The following MUC3A variants were observed in gnomAD, a reference collection of about 807,000 sequenced individuals.
The protein encoded by MUC3A is mucin-3A.
A neutral mutation model predicts 109.0 loss-of-function variants in MUC3A; 109 were observed. The observed-to-expected ratio is 1.00, with a 90% CI of 0.86 to 1.17. MUC3A has a LOEUF of 1.17. Ranked by LOEUF, MUC3A falls within the 50% of genes most tolerant of loss-of-function variation. The pLI, the probability that MUC3A is intolerant of heterozygous loss-of-function variation, is 0.00. For synonymous variants in MUC3A, 1,398 were observed against 981.4 expected (o/e 1.42, Z -7.93); for missense variants, 3,537 against 2,469.4 (o/e 1.43, Z -9.16).
In MUC3A at chr7:100,960,171, C is replaced by T. The variant is rs1434485421; in HGVS notation, c.8392C>T (p.Pro2798Ser). The T allele has an allele frequency of 7.6e-6, 12 of 1,576,204 alleles. No homozygotes were observed. The highest frequency in any genetic ancestry group is 1.7e-5 in the Admixed American group (1 of 59,004). ...EMDPSTEATS[P>S]PTTPLTVFPF... is the part of the protein sequence containing the mutation. ...GGATCCCAGCACTGAAGCTACTTCTCCTCCCACCACCCCATTAACAGTCTT... is the reference window on the plus strand; with the variant it reads ...GGATCCCAGCACTGAAGCTACTTCTTCTCCCACCACCCCATTAACAGTCTT... Residue 2798 changes from proline (P) to serine (S), a missense_variant, in exon 2 of 12, where the codon CCT becomes TCT. Pro to Ser is a moderately conservative substitution (Grantham distance 74). Coordinates refer to ENST00000379458, the MANE Select transcript of MUC3A (RefSeq NM_005960.2).
chr7:100,960,038 T>C lies in MUC3A; in HGVS notation c.8259T>C (p.Thr2753=). 6.6e-7 allele frequency: 1 copy of C among 1,509,502 alleles called. No individual in the cohort carries two copies. The highest frequency in any genetic ancestry group is 8.8e-7 in the Non-Finnish European group (1 of 1,140,282). The allele number at this position is 1,509,502 out of a possible 1,614,324, so 93.5% of individuals were successfully genotyped here. A position where few individuals can be genotyped will look rare whatever the true frequency, so the allele number is the denominator to read the frequency against. The change falls in exon 2 of 12, where the codon ACT becomes ACC. Residue 2753 remains threonine, a synonymous_variant. Transcript: ENST00000379458. Reference sequence around the variant, plus strand: ...GCTCCTCTCTGACCACAGCTCTCACTGAAATAACCCCCTTTTCTTATATTT... The same window carrying C: ...GCTCCTCTCTGACCACAGCTCTCACCGAAATAACCCCCTTTTCTTATATTT... The part of the protein sequence containing the change: ...STSSSLTTAL[T]EITPFSYISL...
Position 100,965,357 on chromosome 7 carries a change from G to A in MUC3A, c.9448+10G>A, listed in dbSNP as rs772293595. 290 of 1,596,420 alleles carry A rather than the reference G, an allele frequency of 1.8e-4. No homozygotes were observed. Among genetic ancestry groups the A allele is most frequent in the Non-Finnish European group, 2.2e-4 (256 of 1,178,200 alleles). ...GAGCTGACCCCGGCAGGTAAGGGTG[G>A]GGTAAAGGGCTGAGTGGTCTCCCGC... On this transcript the variant is annotated intron_variant, in intron 7 of 11. Coordinates refer to ENST00000379458, the MANE Select transcript of MUC3A (RefSeq NM_005960.2).
Position 100,960,245 on chromosome 7 carries a change from A to T in MUC3A, c.8466A>T (p.Gln2822His). 1 of 1,598,522 alleles carries T rather than the reference A, an allele frequency of 6.3e-7. No individual in the cohort carries two copies. Among genetic ancestry groups the T allele is most frequent in the Admixed American group, 1.7e-5 (1 of 60,032 alleles). ...MVTCPTSISI[Q>H]TTLTTYMDTS... ...CCTGTCCTACCTCCATCAGTATCCA[A>T]ACTACTCTTACTACATATATGGACA... Residue 2822 changes from glutamine (Q) to histidine (H), a missense_variant, in exon 2 of 12, where the codon CAA becomes CAT. Physicochemically the swap from Gln to His is conservative, Grantham distance 24 (BLOSUM62 0). Transcript: ENST00000379458.
rs767507212 is a variant in MUC3A, at chr7:100,960,150, C to T, written c.8371C>T (p.Pro2791Ser). Residue 2791 changes from proline (P) to serine (S), a missense_variant, in exon 2 of 12, where the codon CCC becomes TCC. Physicochemically the swap from Pro to Ser is moderately conservative, Grantham distance 74. Coordinates refer to ENST00000379458, the MANE Select transcript of MUC3A (RefSeq NM_005960.2). ...SPTDPCVEMD[P>S]STEATSPPTT... ...CACTGATCCATGTGTTGAAATGGAT[C>T]CCAGCACTGAAGCTACTTCTCCTCC... The T allele has an allele frequency of 1.5e-5, 24 of 1,561,322 alleles. No individual in the cohort carries two copies. The highest frequency in any genetic ancestry group is 2.1e-5 in the Non-Finnish European group (24 of 1,159,666).
intron 5 of MUC3A, 88 bp from the exon 6 acceptor site, chr7:100,964,607 G>T: frequency 6.6e-7 from 1 of 1,504,628 alleles, no homozygotes; most frequent in Non-Finnish European, 8.9e-7. Context: ...TCCCCCTTCT[G>T]GTGCACTTTG....
intron 5 of MUC3A, 129 bp downstream of exon 5, chr7:100,963,881 C>A: frequency 7.2e-7 from 1 of 1,380,346 alleles, no homozygotes; most frequent in Non-Finnish European, 9.9e-7. Flanking sequence ...CATAAGGAAT[C>A]ACTCCCTGGG....
intron 4 of MUC3A, 114 bp from the exon 5 acceptor site, chr7:100,963,574 G>C: frequency 6.6e-7 from 1 of 1,526,410 alleles, no homozygotes; most frequent in South Asian, 1.1e-5. Context: ...CGTGAGCCAC[G>C]GCACCCGGCC....
Position 100,958,522 on chromosome 7 carries a change from C to A in MUC3A, c.6743C>A (p.Thr2248Asn). The part of the protein sequence containing the change: ...GFTSSITTTE[T>N]TSHSTPSFTS... ...ACTTCTTCAATCACCACCACTGAGA[C>A]TACATCCCACAGTACTCCCAGCTTC... Residue 2248 changes from threonine to asparagine, a missense_variant, in exon 2 of 12, where the codon ACT (threonine) becomes AAT (asparagine). By Grantham distance (65) the Thr-to-Asn change is moderately conservative. Transcript: ENST00000379458. 8.4e-7 allele frequency: 1 copy of A among 1,191,436 alleles called. No homozygotes were observed. Among genetic ancestry groups the A allele is most frequent in the Non-Finnish European group, 1.2e-6 (1 of 820,592 alleles). The allele number at this position is 1,191,436 out of a possible 1,614,324, so 73.8% of individuals were successfully genotyped here.
intron 5 of MUC3A, chr7:100,964,369 A>G (rs186432591): frequency 6.5e-4 from 216 of 334,436 alleles, no homozygotes; most frequent in Non-Finnish European, 1.0e-3. Context: ...CTGAGGAGAA[A>G]GGATCACTTT....
intron 8 of MUC3A, 103 bp from the exon 9 acceptor site, chr7:100,966,283 T>A: frequency 8.6e-7 from 1 of 1,158,170 alleles, no homozygotes; most frequent in Non-Finnish European, 1.1e-6. Flanking sequence ...CCCGCTGCCC[T>A]AGGCTGGAGC....
intron 5 of MUC3A, chr7:100,964,475 G>A: frequency 1.5e-6 from 1 of 688,134 alleles, no homozygotes; most frequent in South Asian, 2.6e-5. Context: ...CACACAGAGA[G>A]AGGAAGTCAA....
At position 100,954,028 on chromosome 7, in the gene MUC3A, C is replaced by G. The variant is rs1197379634; in HGVS notation, c.2249C>G (p.Ser750Ter). ...TSLPPTSPLV[S>*]TAKTAKTPTT... ...CTTCCACCCACCTCTCCCTTGGTCT[C>G]AACTGCAAAAACAGCCAAAACTCCT... The change falls in exon 2 of 12, where the codon TCA (serine) becomes TGA (stop). Residue 750 changes from serine to a stop codon, truncating the protein, a stop_gained. Coordinates refer to ENST00000379458, the MANE Select transcript of MUC3A (RefSeq NM_005960.2). LOFTEE classifies it high-confidence loss of function. 5 of 485,214 alleles carry G rather than the reference C, an allele frequency of 1.0e-5. No homozygotes were observed. Among genetic ancestry groups the G allele is most frequent in the Non-Finnish European group, 1.5e-5 (4 of 274,920 alleles). 30.1% of individuals were successfully genotyped at this position (485,214 alleles called of 1,614,324 possible). A position where few individuals can be genotyped will look rare whatever the true frequency, so the allele number is the denominator to read the frequency against.
In MUC3A at chr7:100,967,172, G is replaced by A. The variant is rs1454215418; in HGVS notation, c.*10G>A. On this transcript the variant is annotated 3_prime_UTR_variant, in exon 12 of 12. Coordinates refer to ENST00000379458, the MANE Select transcript of MUC3A (RefSeq NM_005960.2). ...CTCGTCCTCAGTGTGAGCCCTGCGG[G>A]GCCCCTTCACCACCCCCTCCGCCCT... is the stretch of plus-strand genomic sequence containing the variant. The A allele has an allele frequency of 6.3e-7, 1 of 1,598,534 alleles. No homozygotes were observed. The highest frequency in any genetic ancestry group is 1.7e-5 in the Admixed American group (1 of 60,032).
In MUC3A at chr7:100,959,782, C is replaced by A; in HGVS notation, c.8003C>A (p.Thr2668Lys). ...ACAGAATCTTTCACTAGGGGAAGTA[C>A]GTCTACAAATGCAATCTTGACTTCT... ...FTTESFTRGS[T>K]STNAILTSFS... The change falls in exon 2 of 12, where the codon ACG (threonine) becomes AAG (lysine). Residue 2668 changes from threonine to lysine, a missense_variant. Thr to Lys is a moderately conservative substitution (Grantham distance 78, BLOSUM62 -1). Coordinates refer to ENST00000379458, the MANE Select transcript of MUC3A (RefSeq NM_005960.2). 9 of 1,596,780 alleles carry A rather than the reference C, an allele frequency of 5.6e-6. No individual in the cohort carries two copies. The highest frequency in any genetic ancestry group is 7.6e-6 in the Non-Finnish European group (9 of 1,178,884).
chr7:100,965,260 A>T, intron 6 of MUC3A, 22 bp from the exon 7 acceptor site: 1 of 1,598,222 alleles, frequency 6.3e-7, no homozygotes, highest in Admixed American at 1.7e-5. Flanking sequence ...CGCCCATTCC[A>T]TCTGTGCCTG....
chr7:100,961,784 G>A (rs1296866801), intron 3 of MUC3A, among the ~76,000 whole-genome samples: 2 of 152,302 alleles, frequency 1.3e-5, no homozygotes, highest in Non-Finnish European at 2.9e-5. Context: ...CTGCACACTA[G>A]CGTAGATGAC....
rs867294194 is a variant in MUC3A at position 100,960,071 on chromosome 7, C to G, written c.8292C>G (p.Pro2764=). 6.0e-6 allele frequency: 9 copies of G among 1,512,286 alleles called. No homozygotes were observed. Among genetic ancestry groups the G allele is most frequent in the Non-Finnish European group, 7.9e-6 (9 of 1,140,992 alleles). The allele number at this position is 1,512,286 out of a possible 1,614,324, so 93.7% of individuals were successfully genotyped here. A position where few individuals can be genotyped will look rare whatever the true frequency, so the allele number is the denominator to read the frequency against. The change falls in exon 2 of 12, where the codon CCC becomes CCG. Residue 2764 remains proline (P), a synonymous_variant. Transcript: ENST00000379458. Reference sequence around the variant, plus strand: ...CCCCCTTTTCTTATATTTCCCTTCCCTCCACCACACCCTGTCCAGGAACTA... The same window carrying G: ...CCCCCTTTTCTTATATTTCCCTTCCGTCCACCACACCCTGTCCAGGAACTA... The part of the protein sequence containing the change: ...EITPFSYISL[P]STTPCPGTIT...
At chr7:100,951,757 G>C in intron 1 of MUC3A, 84 bp from the exon 2 acceptor site, 1 of 1,543,810 alleles carries the variant, frequency 6.5e-7, no homozygotes, top group Non-Finnish European at 8.7e-7. Flanking sequence ...CTGGAAAATG[G>C]GTGAGTGAGT....
Position 100,955,238 on chromosome 7 carries a change from C to T in MUC3A, c.3459C>T (p.Ser1153=), listed in dbSNP as rs1377535683. ...ATACCACCTCCCTTAGTACCCCCAG[C>T]TTCACTTCTTCAACCATCTACTCCA... ...TPNTTSLSTP[S]FTSSTIYSTV... Residue 1153 remains serine (S), a synonymous_variant, in exon 2 of 12, where the codon AGC becomes AGT. Transcript: ENST00000379458. 5.2e-6 allele frequency: 4 copies of T among 763,734 alleles called. No individual in the cohort carries two copies. Among genetic ancestry groups the T allele is most frequent in the Non-Finnish European group, 4.8e-6 (2 of 417,334 alleles). The allele number at this position is 763,734 out of a possible 1,614,324, so 47.3% of individuals were successfully genotyped here.
Sources: allele counts gnomAD v4.1 joint callset (sites outside exome capture counted in the v4.1 genomes callset), GRCh38; gene constraint gnomAD v4.1.1; transcripts MANE v1.5; gene names NCBI Gene and HGNC (gene_info 2026-07-23, HGNC 2026-07-21).